TMEM135: variants seen among roughly 807,000 people sequenced by gnomAD.
The protein encoded by TMEM135 is transmembrane protein 135, also known as peroxisomal membrane protein 52.
A neutral mutation model predicts 60.3 loss-of-function variants in TMEM135; 30 were observed. The observed-to-expected ratio is 0.50, with a 90% confidence interval of 0.37 to 0.68. The LOEUF (loss-of-function observed/expected upper bound fraction) is 0.68, where lower values mean the gene tolerates loss of function less well. Among genes scored for constraint, TMEM135 ranks in the 30% least tolerant of loss-of-function variants. The pLI, the probability that TMEM135 is intolerant of heterozygous loss-of-function variation, is 0.00. For synonymous variants in TMEM135, 190 were observed against 186.7 expected (o/e 1.02, Z -0.14); for missense variants, 468 against 548.8 (o/e 0.85, Z 1.47).
At chr11:87,318,284 T>C in intron 13 of TMEM135, 49 bp downstream of exon 13, 2 of 1,273,708 alleles carry the variant, frequency 1.6e-6, no homozygotes, top group African/African-American at 1.5e-5. Flanking sequence ...CTGTTTCTAA[T>C]GTACGTTAAT....
intron 4 of TMEM135, among the ~76,000 whole-genome samples, chr11:87,143,292 A>T (rs1302385333): frequency 6.6e-6 from 1 of 150,900 alleles, no homozygotes; most frequent in African/African-American, 2.4e-5. Context: ...CTATTTTGAC[A>T]TCTTTGTTTT....
intron 1 of TMEM135, among the ~76,000 whole-genome samples, chr11:87,066,890 C>T (rs1000619599): frequency 6.7e-6 from 1 of 150,224 alleles, no homozygotes; most frequent in Non-Finnish European, 1.5e-5. Flanking sequence ...AAGCAATTCT[C>T]CTGCCTCAGC....
intron 9 of TMEM135, 108 bp downstream of exon 9, chr11:87,306,113 A>G: frequency 1.6e-6 from 1 of 629,666 alleles, no homozygotes; most frequent in Non-Finnish European, 2.4e-6. Flanking sequence ...ACATTAATAA[A>G]TGCTATCATT....
At chr11:87,183,248 T>C (rs1939564698) in intron 5 of TMEM135, among the ~76,000 whole-genome samples, 1 of 150,972 alleles carries the variant, frequency 6.6e-6, no homozygotes, top group South Asian at 2.1e-4. Context: ...GTTCAAGCGA[T>C]TCTCCTGCCT....
intron 7 of TMEM135, among the ~76,000 whole-genome samples, chr11:87,301,256 A>AT (rs549816973): frequency 6.7e-4 from 98 of 145,532 alleles, no homozygotes; most frequent in East Asian, 4.8e-3. Context: ...CTCAAGTTAC[A>AT]TTTTTTTTTT....
intron 1 of TMEM135, among the ~76,000 whole-genome samples, chr11:87,056,664 G>A (rs1949897328): frequency 6.6e-6 from 1 of 152,154 alleles, no homozygotes; most frequent in Non-Finnish European, 1.5e-5. Flanking sequence ...AACAAATAGT[G>A]AGGCAGTTGT....
chr11:87,288,289 AG>A (rs1207091060), intron 6 of TMEM135, among the ~76,000 whole-genome samples: 2 of 152,198 alleles, frequency 1.3e-5, no homozygotes, highest in Non-Finnish European at 2.9e-5. Flanking sequence ...TGTTTCATAC[AG>A]GTCTTTCTAT....
intron 3 of TMEM135, among the ~76,000 whole-genome samples, chr11:87,085,481 G>T (rs1857077544): frequency 6.6e-6 from 1 of 152,206 alleles, no homozygotes; most frequent in African/African-American, 2.4e-5. Flanking sequence ...TTAGGGCCAG[G>T]TGCGGTGGCT....
At chr11:87,292,947 G>C (rs1942291425) in intron 6 of TMEM135, among the ~76,000 whole-genome samples, 1 of 152,174 alleles carries the variant, frequency 6.6e-6, no homozygotes, top group African/African-American at 2.4e-5. Flanking sequence ...ATGCAATTCT[G>C]ACTAGAACAA....
At chr11:87,086,227 C>T (rs939485139) in intron 3 of TMEM135, among the ~76,000 whole-genome samples, 5 of 152,028 alleles carry the variant, frequency 3.3e-5, no homozygotes, top group South Asian at 4.1e-4. Flanking sequence ...TTTAGTGCCT[C>T]GTATGCCTTA....
chr11:87,236,867 A>G (rs1172116756), intron 6 of TMEM135, among the ~76,000 whole-genome samples, 183 bp downstream of exon 6: 1 of 151,834 alleles, frequency 6.6e-6, no homozygotes, highest in African/African-American at 2.4e-5. Flanking sequence ...GAAAAGAGAA[A>G]GAGAGGGAAG....
chr11:87,129,544 A>ATTTTTTTTTT (rs371919827), intron 4 of TMEM135, among the ~76,000 whole-genome samples: 1 of 125,654 alleles, frequency 8.0e-6, no homozygotes, highest in African/African-American at 3.1e-5. Context: ...TGCTTGGCCA[A>ATTTTTTTTTT]TTTTTTTTTT....
At chr11:87,281,975 A>C (rs1008066255) in intron 6 of TMEM135, among the ~76,000 whole-genome samples, 2 of 152,252 alleles carry the variant, frequency 1.3e-5, no homozygotes, top group African/African-American at 4.8e-5. Flanking sequence ...TGTTACTGCA[A>C]CATAACTTAG....
chr11:87,232,607 G>C (rs745867120), intron 5 of TMEM135, among the ~76,000 whole-genome samples: 11 of 152,080 alleles, frequency 7.2e-5, no homozygotes, highest in Non-Finnish European at 1.3e-4. Context: ...ACTTTTTGCA[G>C]ACCTACATTT....
At chr11:87,253,856 T>A (rs146374418) in intron 6 of TMEM135, among the ~76,000 whole-genome samples, 4 of 152,078 alleles carry the variant, frequency 2.6e-5, no homozygotes, top group Non-Finnish European at 5.9e-5. Context: ...TTTCATGTTT[T>A]ACAAATTCTT....
intron 5 of TMEM135, among the ~76,000 whole-genome samples, chr11:87,198,816 G>T (rs1940027790): frequency 6.6e-6 from 1 of 151,878 alleles, no homozygotes; most frequent in Non-Finnish European, 1.5e-5. Flanking sequence ...AGTTTAAAAA[G>T]ATGCTTAGAA....
At chr11:87,312,297 A>G (rs1346719817) in intron 10 of TMEM135, among the ~76,000 whole-genome samples, 1 of 151,492 alleles carries the variant, frequency 6.6e-6, no homozygotes, top group Non-Finnish European at 1.5e-5. Flanking sequence ...ACATTTTATA[A>G]TATACATTTT....
At chr11:87,268,031 T>C (rs1380012993) in intron 6 of TMEM135, among the ~76,000 whole-genome samples, 2 of 151,796 alleles carry the variant, frequency 1.3e-5, no homozygotes, top group East Asian at 3.9e-4. Flanking sequence ...CAGTGTGCCC[T>C]AGAGTACAGG....
At chr11:87,272,056 T>C (rs568010327) in intron 6 of TMEM135, among the ~76,000 whole-genome samples, 1,886 of 141,724 alleles carry the variant, frequency 0.013, 23 homozygotes, top group Non-Finnish European at 0.017. Context: ...CTTTTCTTTT[T>C]TTTTTTTTTT....
Sources: gnomAD v4.1 joint callset for allele counts (sites outside exome capture counted in the v4.1 genomes callset) on GRCh38, gnomAD v4.1.1 for gene constraint, MANE v1.5 for transcripts, NCBI Gene and HGNC (gene_info 2026-07-23, HGNC 2026-07-21) for gene names.